The following TMEM132D variants were observed in gnomAD, a reference collection of about 807,000 sequenced individuals.
The protein encoded by TMEM132D is mature OL transmembrane protein.
In TMEM132D, 21 loss-of-function variants were observed where a neutral mutation model predicts 62.3. The observed-to-expected ratio is 0.34, with a 90% CI of 0.24 to 0.49. The LOEUF (loss-of-function observed/expected upper bound fraction) is 0.49, where lower values mean the gene tolerates loss of function less well. TMEM132D is among the 20% of genes least tolerant of loss of function. The probability of loss-of-function intolerance (pLI) is 0.99; values close to 1 mark genes in which losing one functional copy is unlikely to be tolerated. For synonymous variants in TMEM132D, 621 were observed against 575.6 expected, an observed-to-expected ratio of 1.08 and a Z score of -1.13; for missense variants, 1,346 against 1,402.8, an observed-to-expected ratio of 0.96 and a Z score of 0.65.
chr12:129,891,969 C>T (rs538955755), intron 1 of TMEM132D, among the ~76,000 whole-genome samples: 79 of 152,270 alleles, frequency 5.2e-4, no homozygotes, highest in Middle Eastern at 3.4e-3. Flanking sequence ...TTTTACTTCT[C>T]ATTTCAAAAA....
intron 2 of TMEM132D, among the ~76,000 whole-genome samples, chr12:129,673,803 T>G (rs1446422632): frequency 6.6e-6 from 1 of 152,168 alleles, no homozygotes; most frequent in Non-Finnish European, 1.5e-5. Flanking sequence ...TGAGAGTCCC[T>G]TAAGAGTGTG....
At chr12:129,589,732 C>T (rs1205860983) in intron 2 of TMEM132D, among the ~76,000 whole-genome samples, 1 of 152,162 alleles carries the variant, frequency 6.6e-6, no homozygotes, top group African/African-American at 2.4e-5. Context: ...AGCAAATCTA[C>T]AGCCACAGTC....
rs1042245381 is a variant in TMEM132D at position 129,173,128 on chromosome 12, T to C, written c.1443+36392A>G. Among the ~76,000 whole-genome samples, 31 of 152,252 alleles carry C rather than the reference T, an allele frequency of 2.0e-4. 1 individual carries two copies. The highest frequency in any genetic ancestry group is 5.5e-4 in the African/African-American group (23 of 41,552). On this transcript the variant is annotated intron_variant, in intron 5 of 8. Transcript: ENST00000422113. ...ATATATTGTGAGAGTTGACCAAATG[T>C]GACACAGAGACATGAAGTGGGCACA...
At chr12:129,478,436 C>A (rs1457705480) in intron 3 of TMEM132D, among the ~76,000 whole-genome samples, 1 of 152,212 alleles carries the variant, frequency 6.6e-6, no homozygotes, top group Non-Finnish European at 1.5e-5. Flanking sequence ...TATGGTTGAG[C>A]TTTGACAGAA....
At chr12:129,818,207 T>C (rs1375776153) in intron 1 of TMEM132D, among the ~76,000 whole-genome samples, 1 of 144,988 alleles carries the variant, frequency 6.9e-6, no homozygotes, top group Non-Finnish European at 1.5e-5. Flanking sequence ...TGTGTGCCTA[T>C]GAGTGTGTAT....
At chr12:129,590,286 G>A (rs1878152597) in intron 2 of TMEM132D, among the ~76,000 whole-genome samples, 1 of 152,146 alleles carries the variant, frequency 6.6e-6, no homozygotes, top group South Asian at 2.1e-4. Context: ...AGACACAAAG[G>A]GCCACCACGT....
intron 3 of TMEM132D, among the ~76,000 whole-genome samples, chr12:129,365,978 C>T (rs183629608): frequency 2.0e-5 from 3 of 152,066 alleles, no homozygotes; most frequent in African/African-American, 7.2e-5. Flanking sequence ...AGAGAGCAGT[C>T]CCTCAGAGGG....
intron 2 of TMEM132D, among the ~76,000 whole-genome samples, chr12:129,605,252 C>T (rs139916308): frequency 6.6e-6 from 1 of 152,202 alleles, no homozygotes; most frequent in East Asian, 1.9e-4. Flanking sequence ...GGTTATCAAA[C>T]TGATGTGCAC....
chr12:129,344,428 G>A (rs1869615538), intron 3 of TMEM132D, among the ~76,000 whole-genome samples: 1 of 152,164 alleles, frequency 6.6e-6, no homozygotes, highest in Non-Finnish European at 1.5e-5. Flanking sequence ...TTGGGTAAGT[G>A]GGGTGCATAT....
chr12:129,665,950 T>A (rs1880366515), intron 2 of TMEM132D, among the ~76,000 whole-genome samples: 4 of 152,220 alleles, frequency 2.6e-5, no homozygotes, highest in Admixed American at 2.0e-4. Context: ...GGACCTTTAA[T>A]ATTTTTTCTC....
chr12:129,784,262 AGTGGAGG>A (rs1871198541), intron 1 of TMEM132D, among the ~76,000 whole-genome samples: 3 of 152,304 alleles, frequency 2.0e-5, no homozygotes, highest in African/African-American at 7.2e-5. Flanking sequence ...CTACTCTCTG[AGTGGAGG>A]AAGCTCATTC....
rs148546038 is a variant in TMEM132D at position 129,691,993 on chromosome 12, G to A, written c.968+7817C>T. Among the ~76,000 whole-genome samples, 25 of 151,922 alleles carry A rather than the reference G, an allele frequency of 1.6e-4. No homozygotes were observed. The East Asian group carries it at 1.9e-3, about 12-fold the overall frequency. ...CCCCAAAAATGAAATCACCAGGCTCGGATGGATTCACCAGTGAAAATTTAC... is the reference window on the plus strand; with the variant it reads ...CCCCAAAAATGAAATCACCAGGCTCAGATGGATTCACCAGTGAAAATTTAC... On this transcript the variant is annotated intron_variant, in intron 2 of 8. Coordinates refer to ENST00000422113, the MANE Select transcript of TMEM132D (RefSeq NM_133448.3).
intron 4 of TMEM132D, among the ~76,000 whole-genome samples, chr12:129,272,020 C>A (rs1465822579): frequency 3.3e-5 from 5 of 151,856 alleles, no homozygotes; most frequent in Non-Finnish European, 7.3e-5. Context: ...AATTTATACT[C>A]CCACCCAACA....
chr12:129,233,478 T>G (rs138417831), intron 4 of TMEM132D, among the ~76,000 whole-genome samples: 2 of 152,252 alleles, frequency 1.3e-5, no homozygotes, highest in East Asian at 3.9e-4. Flanking sequence ...TTTGGTGAGG[T>G]CAGGATTGAT....
intron 3 of TMEM132D, among the ~76,000 whole-genome samples, chr12:129,484,271 C>T (rs1347504742): frequency 1.3e-5 from 2 of 152,136 alleles, no homozygotes; most frequent in Non-Finnish European, 2.9e-5. Context: ...AGTCACCGCT[C>T]CTGACAGTTA....
At chr12:129,602,999 C>A (rs1878522529) in intron 2 of TMEM132D, among the ~76,000 whole-genome samples, 1 of 152,130 alleles carries the variant, frequency 6.6e-6, no homozygotes, top group Admixed American at 6.5e-5. Flanking sequence ...ATGAGAGTAA[C>A]CGCCCCCATG....
intron 2 of TMEM132D, among the ~76,000 whole-genome samples, chr12:129,545,101 T>C (rs1365860769): frequency 6.6e-6 from 1 of 152,250 alleles, no homozygotes; most frequent in Admixed American, 6.5e-5. Context: ...TCCAAACATA[T>C]TGATGAATCT....
At chr12:129,579,890 G>A (rs185830397) in intron 2 of TMEM132D, among the ~76,000 whole-genome samples, 7 of 152,298 alleles carry the variant, frequency 4.6e-5, no homozygotes, top group South Asian at 4.2e-4. Context: ...CCTGGATTCT[G>A]CCAAAGGGAA....
intron 5 of TMEM132D, among the ~76,000 whole-genome samples, chr12:129,151,900 GAC>G (rs1346903236): frequency 7.9e-6 from 1 of 126,632 alleles, no homozygotes; most frequent in Non-Finnish European, 1.7e-5. Context: ...TTTTTTTTGA[GAC>G]AGTCTTGCTC....
Sources: allele counts gnomAD v4.1 joint callset (sites outside exome capture counted in the v4.1 genomes callset), GRCh38; gene constraint gnomAD v4.1.1; transcripts MANE v1.5; gene names NCBI Gene and HGNC (gene_info 2026-07-23, HGNC 2026-07-21).